The following ZNF90 variants were observed in gnomAD, a reference collection of about 807,000 sequenced individuals.
The protein encoded by ZNF90 is zinc finger protein 90.
In ZNF90, 11 loss-of-function variants were observed where a neutral mutation model predicts 12.0. The ratio of observed to expected loss-of-function variants is 0.92; its 90% CI spans 0.58 to 1.52. The LOEUF is 1.52. Ranked by LOEUF, ZNF90 falls within the 40% of genes most tolerant of loss-of-function variation. The pLI, the probability that ZNF90 is intolerant of heterozygous loss-of-function variation, is 0.00. For synonymous variants in ZNF90, 232 were observed against 240.1 expected, an observed-to-expected ratio of 0.97 and a Z score of 0.31; for missense variants, 765 against 711.5, an observed-to-expected ratio of 1.08 and a Z score of -0.86.
At chr19:20,110,888 AGTTTT>A in intron 3 of ZNF90, among the ~76,000 whole-genome samples, 1 of 152,092 alleles carries the variant, frequency 6.6e-6, no homozygotes, top group East Asian at 1.9e-4. Context: ...TTTATTGTTT[AGTTTT>A]AAGGGTTGTT....
At chr19:20,113,821 T>C (rs536403201) in intron 3 of ZNF90, among the ~76,000 whole-genome samples, 2 of 152,114 alleles carry the variant, frequency 1.3e-5, no homozygotes, top group Admixed American at 1.3e-4. Flanking sequence ...GAGTGAGACC[T>C]GGTCTCAAAA....
chr19:20,080,987 C>T (rs2088815988), intron 1 of ZNF90, among the ~76,000 whole-genome samples: 1 of 152,160 alleles, frequency 6.6e-6, no homozygotes, highest in Non-Finnish European at 1.5e-5. Flanking sequence ...TCACACTGCC[C>T]ATTGTCCTGT....
intron 3 of ZNF90, among the ~76,000 whole-genome samples, chr19:20,106,172 TA>T (rs2089036147): frequency 6.6e-6 from 1 of 151,516 alleles, no homozygotes; most frequent in African/African-American, 2.4e-5. Context: ...TTTAAGTATA[TA>T]AAGCTGTACA....
At position 20,104,267 on chromosome 19, in the gene ZNF90, T is replaced by C. The variant is rs781924889; in HGVS notation, c.32T>C (p.Ile11Thr). The C allele has an allele frequency of 4.3e-6, 7 of 1,613,932 alleles. No individual in the cohort carries two copies. The highest frequency in any genetic ancestry group is 2.2e-5 in the East Asian group (1 of 44,866). ...CCATTGGAATTTAGAGATGTGGCCA[T>C]AGAATTCTCTCTGGAGGAGTGGCAT... is the stretch of plus-strand genomic sequence containing the variant. Reference protein sequence around the residue: MGPLEFRDVAIEFSLEEWHCL... With the variant: MGPLEFRDVATEFSLEEWHCL... Residue 11 changes from isoleucine (I) to threonine (T), a missense_variant, in exon 2 of 4, where the codon ATA becomes ACA. Physicochemically the swap from Ile to Thr is moderately conservative, Grantham distance 89 (BLOSUM62 -1). Transcript: ENST00000418063.
chr19:20,080,181 G>T, intron 1 of ZNF90: 2 of 493,538 alleles, frequency 4.1e-6, no homozygotes, highest in South Asian at 3.3e-5. Flanking sequence ...TGCTGCCCAG[G>T]GGCAGCACAT....
At chr19:20,104,419 GT>G (rs1214646654) in intron 2 of ZNF90, 54 bp downstream of exon 2, 35 of 1,520,950 alleles carry the variant, frequency 2.3e-5, no homozygotes, top group Admixed American at 4.3e-5. Context: ...TTGTTTTTAT[GT>G]TTTTTTGTGG....
intron 3 of ZNF90, among the ~76,000 whole-genome samples, chr19:20,106,192 T>C (rs1052422368): frequency 4.6e-5 from 7 of 152,076 alleles, no homozygotes; most frequent in African/African-American, 1.7e-4. Context: ...CATATACTTG[T>C]ATGTTAATTT....
chr19:20,113,681 C>A (rs143279264), intron 3 of ZNF90, among the ~76,000 whole-genome samples: 1 of 151,768 alleles, frequency 6.6e-6, no homozygotes, highest in African/African-American at 2.4e-5. Context: ...ACAAAAAATT[C>A]GCCGGGCGTG....
chr19:20,094,499 G>T (rs2088927103), intron 1 of ZNF90, among the ~76,000 whole-genome samples: 7 of 152,158 alleles, frequency 4.6e-5, no homozygotes, highest in Admixed American at 4.6e-4. Context: ...ATAATTAACA[G>T]CTTTGTAAGC....
intron 1 of ZNF90, among the ~76,000 whole-genome samples, chr19:20,103,611 CT>C (rs2089007138): frequency 6.6e-6 from 1 of 152,186 alleles, no homozygotes; most frequent in Non-Finnish European, 1.5e-5. Context: ...CACATTTAAT[CT>C]GGCAGCTGTC....
At chr19:20,115,503 G>T (rs1278925841) in intron 3 of ZNF90, among the ~76,000 whole-genome samples, 2 of 148,782 alleles carry the variant, frequency 1.3e-5, no homozygotes, top group Non-Finnish European at 3.0e-5. Context: ...GTGGTACCAT[G>T]GGGGATTCTA....
At chr19:20,103,261 A>T (rs1315747945) in intron 1 of ZNF90, among the ~76,000 whole-genome samples, 1 of 152,186 alleles carries the variant, frequency 6.6e-6, no homozygotes, top group East Asian at 1.9e-4. Context: ...GTGAAGGTTT[A>T]GCATTTATAA....
chr19:20,110,328 G>C (rs2089076318), intron 3 of ZNF90, among the ~76,000 whole-genome samples: 1 of 152,032 alleles, frequency 6.6e-6, no homozygotes, highest in South Asian at 2.1e-4. Flanking sequence ...GCCCAGGCTG[G>C]AGTGCAGTGG....
intron 3 of ZNF90, among the ~76,000 whole-genome samples, chr19:20,106,697 C>A (rs970652055): frequency 1.1e-4 from 17 of 152,258 alleles, no homozygotes; most frequent in African/African-American, 4.1e-4. Context: ...TCGTGATCCA[C>A]CCGCCTTGGC....
In ZNF90 at chr19:20,110,190, C is replaced by G. The variant is rs187983530; in HGVS notation, c.226+4874C>G. On this transcript the variant is annotated intron_variant, in intron 3 of 3. Coordinates refer to ENST00000418063, the MANE Select transcript of ZNF90 (RefSeq NM_007138.2). ...TTGATGTTTATAAATCGGGAGACAT[C>G]TGGATTGCTTTGGGCTTTTGGCTTT... Among the ~76,000 whole-genome samples, 70 of 152,226 alleles carry G rather than the reference C, an allele frequency of 4.6e-4. No homozygotes were observed. In the East Asian group the frequency reaches 0.011, roughly 24 times the overall value.
At chr19:20,106,599 A>G (rs531274419) in intron 3 of ZNF90, among the ~76,000 whole-genome samples, 217 of 152,088 alleles carry the variant, frequency 1.4e-3, no homozygotes, top group Admixed American at 4.0e-3. Flanking sequence ...GACTACAGGC[A>G]CCCGCCACCA....
intron 1 of ZNF90, among the ~76,000 whole-genome samples, chr19:20,090,378 A>G (rs1233114145): frequency 6.6e-6 from 1 of 152,078 alleles, no homozygotes; most frequent in Non-Finnish European, 1.5e-5. Flanking sequence ...AGTGAGTTTA[A>G]GGGAAGTGGG....
rs781859916 is a variant in ZNF90, at chr19:20,118,724, T to A, written c.1170T>A (p.Ser390Arg). Residue 390 changes from serine (S) to arginine (R), a missense_variant, in exon 4 of 4, where the codon AGT (serine) becomes AGA (arginine). Physicochemically the swap from Ser to Arg is moderately radical, Grantham distance 110. Coordinates refer to ENST00000418063, the MANE Select transcript of ZNF90 (RefSeq NM_007138.2). The part of the protein sequence containing the change: ...SSSLLYKHKI[S>R]HSEKKPYKCE... ...CACTCCTTTATAAACATAAGATAAG[T>A]CATAGTGAAAAGAAACCCTACAAAT... is the stretch of plus-strand genomic sequence containing the variant. 2 of 1,608,022 alleles carry A rather than the reference T, an allele frequency of 1.2e-6. No homozygotes were observed. Among genetic ancestry groups the A allele is most frequent in the African/African-American group, 2.7e-5 (2 of 74,564 alleles).
Position 20,092,569 on chromosome 19 carries a change from G to T in ZNF90, c.4-11670G>T, listed in dbSNP as rs983613408. 2.0e-5 allele frequency among the ~76,000 whole-genome samples: 3 copies of T among 152,270 alleles called. No homozygotes were observed. The South Asian group carries it at 6.2e-4, about 32-fold the overall frequency. ...ATTTAGGATCTATGGGGTCAGCTAG[G>T]TTTCCTTTTGTGAGTTTATATAATT... On this transcript the variant is annotated intron_variant, in intron 1 of 3. Coordinates refer to ENST00000418063, the MANE Select transcript of ZNF90 (RefSeq NM_007138.2).
Sources: gnomAD v4.1 joint callset for allele counts (sites outside exome capture counted in the v4.1 genomes callset) on GRCh38, gnomAD v4.1.1 for gene constraint, MANE v1.5 for transcripts, NCBI Gene and HGNC (gene_info 2026-07-23, HGNC 2026-07-21) for gene names.